KCNAB2: variants seen among roughly 807,000 people sequenced by gnomAD.
KCNAB2 encodes potassium voltage-gated channel subfamily A regulatory beta subunit 2, also known as voltage-gated potassium channel subunit beta-2.
KCNAB2 carries 29 observed loss-of-function variants against 63.6 expected under a neutral mutation model. The ratio of observed to expected loss-of-function variants is 0.46; its 90% CI spans 0.34 to 0.62. The LOEUF is 0.62. KCNAB2 is among the 20% of genes least tolerant of loss of function. The pLI is 0.01. For missense variants in KCNAB2, 359 were observed against 563.9 expected (o/e 0.64, Z 3.68); for synonymous variants, 222 against 224.2 (o/e 0.99, Z 0.09).
intron 1 of KCNAB2, among the ~76,000 whole-genome samples, chr1:6,015,615 A>G (rs1192117827): frequency 6.6e-6 from 1 of 152,224 alleles, no homozygotes; most frequent in Non-Finnish European, 1.5e-5. Flanking sequence ...AGACAGCTCC[A>G]GTGTCGATGG....
chr1:6,083,655 C>T (rs575396132), intron 5 of KCNAB2, among the ~76,000 whole-genome samples: 15 of 152,328 alleles, frequency 9.8e-5, no homozygotes, highest in South Asian at 6.2e-4. Context: ...CCCCGGTGGA[C>T]GCCCATCAGT....
intron 1 of KCNAB2, 52 bp from the exon 2 acceptor site, chr1:6,051,459 C>T: frequency 1.4e-6 from 2 of 1,426,902 alleles, no homozygotes; most frequent in Non-Finnish European, 1.8e-6. Flanking sequence ...GCCATCCAGC[C>T]TGGGGCACGT....
intron 1 of KCNAB2, among the ~76,000 whole-genome samples, chr1:5,993,542 C>A (rs1460565934): frequency 6.6e-6 from 1 of 152,238 alleles, no homozygotes; most frequent in Non-Finnish European, 1.5e-5. Flanking sequence ...GATGCAAAGA[C>A]CCCACTGCTG....
upstream of KCNAB2, among the ~76,000 whole-genome samples, chr1:6,045,008 G>GT (rs907720690): frequency 8.5e-5 from 13 of 152,278 alleles, no homozygotes; most frequent in African/African-American, 3.1e-4. This position sits in a 1 kb window ranked among gnomAD's most constrained non-coding sequence, Gnocchi z 4.8. Context: ...AGGGCGACAT[G>GT]TGGGGATCTG....
Position 6,086,081 on chromosome 1 carries a change from C to G in KCNAB2, c.425+833C>G, listed in dbSNP as rs1460655227. 1 of 985,330 alleles carries G rather than the reference C, an allele frequency of 1.0e-6. No individual in the cohort carries two copies. Among genetic ancestry groups the G allele is most frequent in the East Asian group, 1.1e-4 (1 of 8,806 alleles). 61.0% of individuals were successfully genotyped at this position (985,330 alleles called of 1,614,324 possible). A position where few individuals can be genotyped will look rare whatever the true frequency, so the allele number is the denominator to read the frequency against. The stretch of plus-strand genomic sequence containing the variant: ...GCCTACATTTTGAGGCTCCCCAGAC[C>G]CCTGGACACAGCTTTATCTCAAGGT... On this transcript the variant is annotated intron_variant, in intron 6 of 15. Coordinates refer to ENST00000378083, the MANE Select transcript of KCNAB2 (RefSeq NM_001199862.2). This position sits in a 1 kb window ranked among gnomAD's most constrained non-coding sequence, Gnocchi z 4.2.
chr1:6,047,322 G>C (rs546524328), intron 1 of KCNAB2, among the ~76,000 whole-genome samples: 2 of 152,140 alleles, frequency 1.3e-5, no homozygotes, highest in Non-Finnish European at 2.9e-5. Flanking sequence ...CTAGAGTCTC[G>C]GCAAAAGCCC....
In KCNAB2 at chr1:6,047,490, C is replaced by A. The variant is rs116462959; in HGVS notation, c.-27+1307C>A. ...AGCCTTCAGGACCACAGGGAGCCCC[C>A]GCTGTACAGAGTCCTGGCATGGGAG... On this transcript the variant is annotated intron_variant, in intron 1 of 15. Coordinates refer to ENST00000378083, the MANE Select transcript of KCNAB2 (RefSeq NM_001199862.2). Among the ~76,000 whole-genome samples, 3 of 152,248 alleles carry A rather than the reference C, an allele frequency of 2.0e-5. No homozygotes were observed. In the East Asian group the frequency reaches 5.8e-4, roughly 29 times the overall value.
At chr1:6,038,691 C>T (rs905418585) in intron 1 of KCNAB2, among the ~76,000 whole-genome samples, 1 of 152,188 alleles carries the variant, frequency 6.6e-6, no homozygotes, top group African/African-American at 2.4e-5. Context: ...GCTGCCTTGA[C>T]CCCAGGGACA....
rs554129074 is a variant in KCNAB2 at position 6,100,130 on chromosome 1, G to A, written c.*1556G>A. The A allele has an allele frequency of 1.0e-4, 149 of 1,422,230 alleles. No homozygotes were observed. In the African/African-American group the frequency reaches 1.2e-3, roughly 12 times the overall value. The allele number at this position is 1,422,230 out of a possible 1,614,324, so 88.1% of individuals were successfully genotyped here. A position where few individuals can be genotyped will look rare whatever the true frequency, so the allele number is the denominator to read the frequency against. On this transcript the variant is annotated 3_prime_UTR_variant, in exon 16 of 16. Coordinates refer to ENST00000378083, the MANE Select transcript of KCNAB2 (RefSeq NM_001199862.2). ...CTATTCCAGAAGGCTCCACCCTGCC[G>A]TCCTGCGGGAGCCTGCTGTCCAGTC...
intron 2 of KCNAB2, among the ~76,000 whole-genome samples, chr1:6,059,468 G>T (rs913681799): frequency 2.6e-5 from 4 of 152,160 alleles, no homozygotes; most frequent in Non-Finnish European, 5.9e-5. Flanking sequence ...GAGATTATAG[G>T]CATGAGCCAC....
intron 1 of KCNAB2, among the ~76,000 whole-genome samples, chr1:6,037,511 CAG>C (rs953647246): frequency 3.3e-5 from 5 of 152,224 alleles, no homozygotes; most frequent in Non-Finnish European, 5.9e-5. Context: ...CTCAGCTACT[CAG>C]GGGAGCCTGG....
chr1:6,060,693 A>G (rs887568863), intron 2 of KCNAB2, among the ~76,000 whole-genome samples: 1 of 152,078 alleles, frequency 6.6e-6, no homozygotes, highest in South Asian at 2.1e-4. Flanking sequence ...TCACAAGGTC[A>G]AGAGATCGAG....
At chr1:6,040,389 G>A in intron 1 of KCNAB2, 1 of 631,854 alleles carries the variant, frequency 1.6e-6, no homozygotes, top group South Asian at 1.8e-5. Context: ...CTCTGCTGAG[G>A]GGCTCCCCGA....
rs571630177 is a variant in KCNAB2, at chr1:5,995,089, G to A, written c.-53+2301G>A. On this transcript the variant is annotated intron_variant, in intron 1 of 16. Coordinates refer to the KCNAB2 transcript ENST00000341524. ...CGGCTAAGTTCTCAGTGATATTCAC[G>A]CCGCCAGAGGTCCCAGAGTGAATGT... 3.3e-5 allele frequency among the ~76,000 whole-genome samples: 5 copies of A among 152,264 alleles called. No homozygotes were observed. In the South Asian group the frequency reaches 8.3e-4, roughly 25 times the overall value.
chr1:5,993,720 G>A (rs1656731136), intron 1 of KCNAB2, among the ~76,000 whole-genome samples: 1 of 152,250 alleles, frequency 6.6e-6, no homozygotes, highest in Non-Finnish European at 1.5e-5. Context: ...AAGCCCCTTA[G>A]CACCTTTCCT....
Position 6,086,454 on chromosome 1 carries a change from G to A in KCNAB2, c.426-1013G>A. The stretch of plus-strand genomic sequence containing the variant: ...CCTGGAGGTGACGCTGCCTCTGCCA[G>A]AGCTCTGTGGCCGATGCTTCGGGGC... On this transcript the variant is annotated intron_variant, in intron 6 of 15. Coordinates refer to ENST00000378083, the MANE Select transcript of KCNAB2 (RefSeq NM_001199862.2). The surrounding 1 kb of genome is among the most constrained non-coding windows in gnomAD (Gnocchi z 4.2). 1 of 884,474 alleles carries A rather than the reference G, an allele frequency of 1.1e-6. No homozygotes were observed. The highest frequency in any genetic ancestry group is 1.4e-6 in the Non-Finnish European group (1 of 737,828). The allele number at this position is 884,474 out of a possible 1,614,324, so 54.8% of individuals were successfully genotyped here. A position where few individuals can be genotyped will look rare whatever the true frequency, so the allele number is the denominator to read the frequency against.
intron 1 of KCNAB2, among the ~76,000 whole-genome samples, chr1:5,995,053 T>A (rs1345997718): frequency 6.6e-6 from 1 of 152,176 alleles, no homozygotes; most frequent in African/African-American, 2.4e-5. Context: ...GTGCGGTATG[T>A]GTCTGGTCCT....
chr1:6,012,732 G>A (rs1229547217), intron 1 of KCNAB2, among the ~76,000 whole-genome samples: 1 of 151,962 alleles, frequency 6.6e-6, no homozygotes, highest in African/African-American at 2.4e-5. Flanking sequence ...CATGGTGGAG[G>A]TGATGGGGGA....
In KCNAB2 at chr1:6,098,207, C is replaced by T. The variant is rs536036242; in HGVS notation, c.1159-278C>T. ...AAGTCCAGCATTTGGCCTGGAGTTT[C>T]CATTTTATGTCACTGCTGCCACCAC... On this transcript the variant is annotated intron_variant, in intron 15 of 15. Coordinates refer to ENST00000378083, the MANE Select transcript of KCNAB2 (RefSeq NM_001199862.2). 8 of 1,180,474 alleles carry T rather than the reference C, an allele frequency of 6.8e-6. No homozygotes were observed. In the South Asian group the frequency reaches 1.8e-4, roughly 26 times the overall value. 73.1% of individuals were successfully genotyped at this position (1,180,474 alleles called of 1,614,324 possible).
Sources: allele counts gnomAD v4.1 joint callset (sites outside exome capture counted in the v4.1 genomes callset), GRCh38; gene constraint gnomAD v4.1.1; non-coding constraint Gnocchi (gnomAD v3.1); transcripts MANE v1.5; gene names NCBI Gene and HGNC (gene_info 2026-07-23, HGNC 2026-07-21).